Variants in ACAA2 observed in about 807,000 individuals in gnomAD.
The protein encoded by ACAA2 is acetyl-CoA acyltransferase 2.
A neutral mutation model predicts 44.8 loss-of-function variants in ACAA2; 35 were observed. That is an observed-to-expected ratio of 0.78 (90% CI 0.60 to 1.04). The LOEUF is 1.04. Ranked by LOEUF, ACAA2 falls within the 50% of genes least tolerant of loss-of-function variation. The pLI, the probability that ACAA2 is intolerant of heterozygous loss-of-function variation, is 0.00. For synonymous variants in ACAA2, 142 were observed against 166.5 expected, an observed-to-expected ratio of 0.85 and a Z score of 1.13; for missense variants, 468 against 482.6, an observed-to-expected ratio of 0.97 and a Z score of 0.28.
chr18:49,803,578 C>T (rs1410762442), intron 1 of ACAA2, among the ~76,000 whole-genome samples: 3 of 152,210 alleles, frequency 2.0e-5, no homozygotes, highest in African/African-American at 7.2e-5. Flanking sequence ...TTGACTGTGG[C>T]TCGTCCTGCT....
Position 49,794,402 on chromosome 18 carries a change from A to C in ACAA2, c.455T>G (p.Leu152Ter). Residue 152 changes from leucine to a stop codon, truncating the protein, a stop_gained, in exon 5 of 10, where the codon TTA (leucine) becomes TGA (stop). Transcript: ENST00000285093. LOFTEE classifies it high-confidence loss of function. ...GGGGAGCTGGACATGCTGATCTGTT[A>C]ATGATACCCATAAAGAATCTTCCAG... ...IKLEDSLWVS[L>*]TDQHVQLPMA... 1 of 1,597,480 alleles carries C rather than the reference A, an allele frequency of 6.3e-7. No individual in the cohort carries two copies. Among genetic ancestry groups the C allele is most frequent in the Non-Finnish European group, 8.5e-7 (1 of 1,174,068 alleles).
At chr18:49,808,147 C>T (rs748723094) in intron 1 of ACAA2, among the ~76,000 whole-genome samples, 1 of 152,162 alleles carries the variant, frequency 6.6e-6, no homozygotes, top group Non-Finnish European at 1.5e-5. Flanking sequence ...GATACTACTA[C>T]ACAACTATTA....
chr18:49,800,890 T>TG (rs34759625), intron 2 of ACAA2, among the ~76,000 whole-genome samples: 2 of 121,126 alleles, frequency 1.7e-5, no homozygotes, highest in African/African-American at 6.2e-5. Context: ...GAATGATCAA[T>TG]AAAAAAAAAA....
At chr18:49,790,816 A>G (rs1050545277) in intron 7 of ACAA2, among the ~76,000 whole-genome samples, 7 of 152,212 alleles carry the variant, frequency 4.6e-5, no homozygotes, top group African/African-American at 7.2e-5. Flanking sequence ...CAATCTAATT[A>G]TAAGTCTTTA....
At chr18:49,789,075 CACCA>C (rs1176623419) in intron 7 of ACAA2, among the ~76,000 whole-genome samples, 1 of 152,176 alleles carries the variant, frequency 6.6e-6, no homozygotes, top group East Asian at 1.9e-4. Flanking sequence ...AAGTTCCACC[CACCA>C]ACCTCTACCA....
rs751010548 is a variant in ACAA2, at chr18:49,783,809, T to C, written c.*38A>G. On this transcript the variant is annotated 3_prime_UTR_variant, in exon 10 of 10. Transcript: ENST00000285093. ...CTTGTTTTACTGTGGCCTGGCCAAGTAGAGTAAGGATGGGTCACAGTGAGC... is the reference window on the plus strand; with the variant it reads ...CTTGTTTTACTGTGGCCTGGCCAAGCAGAGTAAGGATGGGTCACAGTGAGC... 1.1e-5 allele frequency: 18 copies of C among 1,577,104 alleles called. No individual in the cohort carries two copies. The East Asian group carries it at 3.6e-4, about 31-fold the overall frequency.
chr18:49,812,570 T>C (rs148975111), intron 1 of ACAA2, among the ~76,000 whole-genome samples: 2 of 152,266 alleles, frequency 1.3e-5, no homozygotes, highest in African/African-American at 2.4e-5. Context: ...AAGCCATCAT[T>C]TGCTGCTCCC....
chr18:49,785,125 C>G (rs2023312948), intron 9 of ACAA2, 72 bp downstream of exon 9: 1 of 1,546,204 alleles, frequency 6.5e-7, no homozygotes, highest in Admixed American at 1.9e-5. Flanking sequence ...TTGGAGTGTT[C>G]TGGGGAAGCC....
At chr18:49,812,535 C>T (rs2023682414) in intron 1 of ACAA2, among the ~76,000 whole-genome samples, 1 of 152,158 alleles carries the variant, frequency 6.6e-6, no homozygotes, top group East Asian at 1.9e-4. Flanking sequence ...CTTTTCTCCC[C>T]AATTACACTG....
chr18:49,785,340 A>G lies in ACAA2; in HGVS notation c.966T>C (p.Ala322=). The change falls in exon 9 of 10, where the codon GCT becomes GCC. Residue 322 remains alanine, a synonymous_variant. Transcript: ENST00000285093. ...KDMDLVEVNE[A]FAPQYLAVER... ...CAACAGCCAAGTACTGGGGAGCAAA[A>G]GCTTCATTCACCTTAAAACAAAAAT... 6.2e-7 allele frequency: 1 copy of G among 1,612,504 alleles called. No homozygotes were observed. The highest frequency in any genetic ancestry group is 8.5e-7 in the Non-Finnish European group (1 of 1,179,660).
intron 1 of ACAA2, among the ~76,000 whole-genome samples, chr18:49,812,339 TC>T (rs1480677608): frequency 6.7e-6 from 1 of 149,648 alleles, no homozygotes; most frequent in Non-Finnish European, 1.5e-5. Flanking sequence ...GAATTCTCAA[TC>T]CTTCTTTCCA....
intron 9 of ACAA2, among the ~76,000 whole-genome samples, chr18:49,784,779 T>C (rs1378358464): frequency 6.6e-6 from 1 of 152,186 alleles, no homozygotes; most frequent in African/African-American, 2.4e-5. Flanking sequence ...TAGACCCAAA[T>C]GTCAGTTTGC....
intron 1 of ACAA2, among the ~76,000 whole-genome samples, chr18:49,805,932 T>C (rs572875916): frequency 1.8e-4 from 28 of 152,278 alleles, no homozygotes; most frequent in African/African-American, 5.1e-4. Flanking sequence ...CCTCTTTCCA[T>C]GCCTTCTTCC....
chr18:49,813,499 C>G lies in ACAA2; in HGVS notation c.-15G>C. The G allele has an allele frequency of 8.1e-7, 1 of 1,240,558 alleles. No homozygotes were observed. Among genetic ancestry groups the G allele is most frequent in the Non-Finnish European group, 1.0e-6 (1 of 988,026 alleles). 76.8% of individuals were successfully genotyped at this position (1,240,558 alleles called of 1,614,324 possible). A position where few individuals can be genotyped will look rare whatever the true frequency, so the allele number is the denominator to read the frequency against. On this transcript the variant is annotated 5_prime_UTR_variant, in exon 1 of 10. Transcript: ENST00000285093. The stretch of plus-strand genomic sequence containing the variant: ...AGCAGAGCCATGGCGGCTGCTGGGT[C>G]GTCGGCGGCGCGGGTCTGTGGTGTG...
rs146171670 is a variant in ACAA2, at chr18:49,801,523, A to G, written c.183+1164T>C. 6.3e-3 allele frequency among the ~76,000 whole-genome samples: 958 copies of G among 152,198 alleles called. 18 individuals are homozygous for G. The highest frequency in any genetic ancestry group is 0.022 in the African/African-American group (922 of 41,540). ...TAAAATAAAAAGAACAAAAGACAATATTGAGAATTCTTTATGAAAATATTT... is the reference window on the plus strand; with the variant it reads ...TAAAATAAAAAGAACAAAAGACAATGTTGAGAATTCTTTATGAAAATATTT... On this transcript the variant is annotated intron_variant, in intron 2 of 9. Coordinates refer to ENST00000285093, the MANE Select transcript of ACAA2 (RefSeq NM_006111.3).
chr18:49,791,655 GT>G lies in ACAA2; in HGVS notation c.754-57del. 1.9e-6 allele frequency: 3 copies of G among 1,575,136 alleles called. No homozygotes were observed. The Admixed American group carries it at 5.1e-5, about 27-fold the overall frequency. On this transcript the variant is annotated intron_variant, in intron 6 of 9. Coordinates refer to ENST00000285093, the MANE Select transcript of ACAA2 (RefSeq NM_006111.3). Reference sequence around the variant, plus strand: ...GGCTAAAATAATCCAGTTAATCAAAGTTTGAACTAATGGACTAGTAGTATTA... The same window carrying G: ...GGCTAAAATAATCCAGTTAATCAAAGTTGAACTAATGGACTAGTAGTATTA...
intron 2 of ACAA2, among the ~76,000 whole-genome samples, chr18:49,802,062 G>C (rs1217767214): frequency 1.3e-5 from 2 of 152,064 alleles, no homozygotes; most frequent in African/African-American, 4.8e-5. Context: ...AATTAGGGGA[G>C]GTGTGCTGTA....
intron 5 of ACAA2, among the ~76,000 whole-genome samples, chr18:49,793,400 C>G (rs915543526): frequency 1.3e-5 from 2 of 152,190 alleles, no homozygotes; most frequent in Non-Finnish European, 2.9e-5. Flanking sequence ...ATTGTTATCT[C>G]TATCTTACAG....
intron 7 of ACAA2, among the ~76,000 whole-genome samples, chr18:49,788,120 C>T (rs1036068433): frequency 6.6e-6 from 1 of 152,334 alleles, no homozygotes; most frequent in East Asian, 1.9e-4. Flanking sequence ...TAAACTTTAG[C>T]TCCCAGATTT....
Sources: allele counts gnomAD v4.1 joint callset (sites outside exome capture counted in the v4.1 genomes callset), GRCh38; gene constraint gnomAD v4.1.1; transcripts MANE v1.5; gene names NCBI Gene and HGNC (gene_info 2026-07-23, HGNC 2026-07-21).